The following SNPH variants were observed in gnomAD, a reference collection of about 807,000 sequenced individuals.
The protein encoded by SNPH is syntaphilin.
Under a neutral mutation model 36.8 loss-of-function variants are expected in SNPH, and 10 were observed. The ratio of observed to expected loss-of-function variants is 0.27; its 90% CI spans 0.17 to 0.46. The LOEUF (loss-of-function observed/expected upper bound fraction) is 0.46. Among genes scored for constraint, SNPH ranks in the 20% least tolerant of loss-of-function variants. SNPH has a pLI of 1.00. For missense variants in SNPH, 622 were observed against 744.0 expected (o/e 0.84, Z 1.91); for synonymous variants, 281 against 312.2 (o/e 0.90, Z 1.05).
chr20:1,300,361 G>A (rs895527004), intron 5 of SNPH, among the ~76,000 whole-genome samples: 1 of 152,188 alleles, frequency 6.6e-6, no homozygotes, highest in African/African-American at 2.4e-5. Flanking sequence ...TTCCTGACAT[G>A]ATGGTCTTCA....
At chr20:1,303,914 G>A (rs973111965) in intron 6 of SNPH, among the ~76,000 whole-genome samples, 5 of 152,084 alleles carry the variant, frequency 3.3e-5, no homozygotes, top group Non-Finnish European at 5.9e-5. Context: ...AGGGTTTGAC[G>A]TCTCCTGGAT....
intron 6 of SNPH, 75 bp downstream of exon 6, chr20:1,300,786 G>A (rs2088498167): frequency 2.8e-6 from 4 of 1,433,062 alleles, no homozygotes; most frequent in African/African-American, 1.4e-5. Flanking sequence ...GCTCTGGGGT[G>A]CCTCTTGGAG....
At position 1,266,413 on chromosome 20, in the gene SNPH, C is replaced by T. The variant is rs2088004374; in HGVS notation, c.-600+16C>T. 4 of 465,764 alleles carry T rather than the reference C, an allele frequency of 8.6e-6. No individual in the cohort carries two copies. In the South Asian group the frequency reaches 1.6e-4, roughly 18 times the overall value. 28.9% of individuals were successfully genotyped at this position (465,764 alleles called of 1,614,324 possible). On this transcript the variant is annotated intron_variant, in intron 1 of 6. Coordinates refer to ENST00000381867, the MANE Select transcript of SNPH (RefSeq NM_001318234.2). The surrounding 1 kb of genome is among the most constrained non-coding windows in gnomAD (Gnocchi z 6.0). Reference sequence around the variant, plus strand: ...GCCTCCGCAGGTGATGACAAGGACCCCGGGGATCTCCGGGCCCACCGCCCA... The same window carrying T: ...GCCTCCGCAGGTGATGACAAGGACCTCGGGGATCTCCGGGCCCACCGCCCA...
intron 2 of SNPH, among the ~76,000 whole-genome samples, chr20:1,274,349 G>A (rs2088106938): frequency 6.6e-6 from 1 of 151,526 alleles, no homozygotes; most frequent in Non-Finnish European, 1.5e-5. Flanking sequence ...TTCAAGGGAT[G>A]AAAGGGAGAA....
At chr20:1,270,790 G>A (rs2088064045) in intron 2 of SNPH, among the ~76,000 whole-genome samples, 1 of 152,214 alleles carries the variant, frequency 6.6e-6, no homozygotes, top group South Asian at 2.1e-4. Context: ...CCTGTCTGGA[G>A]GAACGCCTAA....
In SNPH at chr20:1,269,261, C is replaced by G. The variant is rs576822621; in HGVS notation, c.-493+2501C>G. Among the ~76,000 whole-genome samples, 6 of 152,260 alleles carry G rather than the reference C, an allele frequency of 3.9e-5. No homozygotes were observed. In the East Asian group the frequency reaches 1.2e-3, roughly 29 times the overall value. On this transcript the variant is annotated intron_variant, in intron 2 of 6. Transcript: ENST00000381867. ...GACTGGACTAAGTGATTTCTAAGAC[C>G]CCTTCTGCTTCTGACATTCTGTCGA...
At chr20:1,268,243 T>C (rs767362277) in intron 2 of SNPH, among the ~76,000 whole-genome samples, 33 of 152,278 alleles carry the variant, frequency 2.2e-4, no homozygotes, top group Admixed American at 3.9e-4. Context: ...AGCATTGGGT[T>C]TGGAAAATCC....
intron 4 of SNPH, 142 bp downstream of exon 4, chr20:1,296,563 C>A: frequency 1.5e-6 from 1 of 680,864 alleles, no homozygotes; most frequent in Non-Finnish European, 2.4e-6. Flanking sequence ...CTTGCTAACA[C>A]CTGCCTCCTC....
chr20:1,279,792 C>T (rs1042181139), intron 2 of SNPH, among the ~76,000 whole-genome samples: 5 of 152,228 alleles, frequency 3.3e-5, no homozygotes, highest in African/African-American at 1.2e-4. Flanking sequence ...TGTCAGAGCC[C>T]ACAAACAGCT....
intron 2 of SNPH, among the ~76,000 whole-genome samples, chr20:1,288,697 C>T (rs895832725): frequency 6.6e-6 from 1 of 150,674 alleles, no homozygotes; most frequent in Non-Finnish European, 1.5e-5. Flanking sequence ...TCTCGGCTGA[C>T]TACAACCTCT....
In SNPH at chr20:1,268,742, A is replaced by G. The variant is rs140073671; in HGVS notation, c.-493+1982A>G. Among the ~76,000 whole-genome samples the G allele has an allele frequency of 3.4e-3, 517 of 152,290 alleles. 4 individuals are homozygous for G. Among genetic ancestry groups the G allele is most frequent in the Admixed American group, 6.3e-3 (97 of 15,296 alleles). ...TGTTGAATGAAACAAACTTGAGGAA[A>G]TTATGTCCCTAAGCCAACTAGGTTA... On this transcript the variant is annotated intron_variant, in intron 2 of 6. Transcript: ENST00000381867.
chr20:1,287,909 C>T (rs1464043700), intron 2 of SNPH, among the ~76,000 whole-genome samples: 1 of 152,214 alleles, frequency 6.6e-6, no homozygotes, highest in East Asian at 1.9e-4. Context: ...CTGCCAGGAG[C>T]CACTAGCCAG....
chr20:1,283,549 A>G (rs1349332838), intron 2 of SNPH, among the ~76,000 whole-genome samples: 2 of 152,362 alleles, frequency 1.3e-5, no homozygotes, highest in Non-Finnish European at 2.9e-5. Context: ...AAGATCTTTT[A>G]ATTTGTTTGA....
chr20:1,281,982 G>A (rs1267916107), intron 2 of SNPH, among the ~76,000 whole-genome samples: 1 of 152,228 alleles, frequency 6.6e-6, no homozygotes, highest in Non-Finnish European at 1.5e-5. Context: ...GGAGGGTGGG[G>A]GTGAAGATAC....
rs888879555 is a variant in SNPH, at chr20:1,306,136, A to G, written c.*82A>G. The G allele has an allele frequency of 1.8e-6, 2 of 1,126,970 alleles. No homozygotes were observed. The highest frequency in any genetic ancestry group is 5.8e-5 in the East Asian group (2 of 34,424). 69.8% of individuals were successfully genotyped at this position (1,126,970 alleles called of 1,614,324 possible). On this transcript the variant is annotated 3_prime_UTR_variant, in exon 7 of 7. Coordinates refer to ENST00000381867, the MANE Select transcript of SNPH (RefSeq NM_001318234.2). Reference sequence around the variant, plus strand: ...TTCCCCCCTCCCTTCTCCCATGGGCATCATCTTATTTATTTAGTTTTGGGT... The same window carrying G: ...TTCCCCCCTCCCTTCTCCCATGGGCGTCATCTTATTTATTTAGTTTTGGGT...
At chr20:1,299,560 G>C (rs557200417) in intron 5 of SNPH, among the ~76,000 whole-genome samples, 12 of 152,228 alleles carry the variant, frequency 7.9e-5, no homozygotes, top group Non-Finnish European at 1.6e-4. Context: ...TGCCCTCTGG[G>C]TGGAAATTCC....
intron 2 of SNPH, among the ~76,000 whole-genome samples, chr20:1,293,714 A>G (rs575861692): frequency 6.6e-6 from 1 of 152,182 alleles, no homozygotes; most frequent in East Asian, 1.9e-4. Flanking sequence ...CCTAATGAAT[A>G]CCTGGCTCTG....
At position 1,297,309 on chromosome 20, in the gene SNPH, G is replaced by A. The variant is rs1342858895; in HGVS notation, c.290+57G>A. 9.7e-6 allele frequency: 15 copies of A among 1,543,810 alleles called. No individual in the cohort carries two copies. In the East Asian group the frequency reaches 3.0e-4, roughly 31 times the overall value. On this transcript the variant is annotated intron_variant, in intron 5 of 6. Coordinates refer to ENST00000381867, the MANE Select transcript of SNPH (RefSeq NM_001318234.2). ...TGCTGGCTGGGAACAGGTTGTCCTGGGGTGGGAGAGGTAAGGGAGCAGGGT... is the reference window on the plus strand; with the variant it reads ...TGCTGGCTGGGAACAGGTTGTCCTGAGGTGGGAGAGGTAAGGGAGCAGGGT...
intron 2 of SNPH, among the ~76,000 whole-genome samples, chr20:1,269,996 G>C (rs2088053332): frequency 6.6e-6 from 1 of 152,234 alleles, no homozygotes; most frequent in South Asian, 2.1e-4. Flanking sequence ...GCACTGGACT[G>C]GGTGTCCAAA....
Sources: gnomAD v4.1 joint callset for allele counts (sites outside exome capture counted in the v4.1 genomes callset) on GRCh38, gnomAD v4.1.1 for gene constraint, Gnocchi (gnomAD v3.1) non-coding constraint, MANE v1.5 for transcripts, NCBI Gene and HGNC (gene_info 2026-07-23, HGNC 2026-07-21) for gene names.